The following CCT8 variants were observed in gnomAD, a reference collection of about 807,000 sequenced individuals.
The protein encoded by CCT8 is T-complex protein 1 subunit theta.
A neutral mutation model predicts 65.7 loss-of-function variants in CCT8; 10 were observed. That is an observed-to-expected ratio of 0.15 (90% confidence interval 0.09 to 0.26). The LOEUF (loss-of-function observed/expected upper bound fraction) is 0.26, where lower values mean the gene tolerates loss of function less well. Among genes scored for constraint, CCT8 ranks in the 10% least tolerant of loss-of-function variants. The pLI is 1.00. For synonymous variants in CCT8, 199 were observed against 221.8 expected (o/e 0.90, Z 0.92); for missense variants, 568 against 669.1 (o/e 0.85, Z 1.67).
chr21:29,073,591 G>T lies in CCT8; in HGVS notation c.-1C>A, dbSNP rs375686673. ...GAGCCTTGGGAACGTGAAGCGCCAT[G>T]GCCAGCCTGCAGGAAGCAGTTCACG... On this transcript the variant is annotated 5_prime_UTR_variant, in exon 1 of 15. Coordinates refer to ENST00000286788, the MANE Select transcript of CCT8 (RefSeq NM_006585.4). The T allele has an allele frequency of 5.6e-6, 9 of 1,614,068 alleles. No individual in the cohort carries two copies. Among genetic ancestry groups the T allele is most frequent in the Non-Finnish European group, 7.6e-6 (9 of 1,180,002 alleles).
chr21:29,064,937 T>C, intron 7 of CCT8, 31 bp downstream of exon 7: 1 of 1,603,320 alleles, frequency 6.2e-7, no homozygotes, highest in Non-Finnish European at 8.5e-7. Context: ...GCAACCCCAA[T>C]TATTACTTTT....
At chr21:29,068,615 AC>A (rs2085649725) in intron 3 of CCT8, among the ~76,000 whole-genome samples, 1 of 152,026 alleles carries the variant, frequency 6.6e-6, no homozygotes, top group African/African-American at 2.4e-5. Context: ...GTGTGCCACC[AC>A]GCCCGGCTGA....
At chr21:29,057,709 AATATATATCATACATATATGTATGAT>A (rs2085516272) in intron 14 of CCT8, among the ~76,000 whole-genome samples, 1 of 146,538 alleles carries the variant, frequency 6.8e-6, no homozygotes, top group Non-Finnish European at 1.5e-5. Context: ...TATCATATAT[AATATATATCATACATATATGTATGAT>A]ATATATATCA....
rs2085551114 is a variant in CCT8 at position 29,060,538 on chromosome 21, C to T, written c.1569+3G>A. 1.2e-6 allele frequency: 2 copies of T among 1,613,282 alleles called. No homozygotes were observed. Among genetic ancestry groups the T allele is most frequent in the Non-Finnish European group, 1.7e-6 (2 of 1,179,592 alleles). ...TTAAAGATCAAAATTTCACTTTGCT[C>T]ACCTGATCCACTCTAAGTACAGTGA... On this transcript the variant is annotated splice_donor_region_variant and intron_variant, in intron 14 of 14. Coordinates refer to ENST00000286788, the MANE Select transcript of CCT8 (RefSeq NM_006585.4).
At chr21:29,059,144 C>A (rs919636864) in intron 14 of CCT8, among the ~76,000 whole-genome samples, 1 of 152,212 alleles carries the variant, frequency 6.6e-6, no homozygotes, top group African/African-American at 2.4e-5. Flanking sequence ...ACTTTGAGAA[C>A]TAGTGAAATA....
chr21:29,056,897 T>G (rs903787993), intron 14 of CCT8, among the ~76,000 whole-genome samples: 1 of 152,176 alleles, frequency 6.6e-6, no homozygotes, highest in Non-Finnish European at 1.5e-5. Context: ...GATTTGCTAT[T>G]TATATATGAG....
intron 7 of CCT8, among the ~76,000 whole-genome samples, chr21:29,064,088 G>C (rs184178853): frequency 6.6e-6 from 1 of 152,244 alleles, no homozygotes; most frequent in Admixed American, 6.5e-5. Flanking sequence ...AATATGTCAG[G>C]TAGGTAGGTG....
At chr21:29,067,903 G>GT (rs1568914671) in intron 3 of CCT8, among the ~76,000 whole-genome samples, 198 bp from the exon 4 acceptor site, 2 of 152,212 alleles carry the variant, frequency 1.3e-5, no homozygotes, top group African/African-American at 4.8e-5. Context: ...CAGCACAAAT[G>GT]TATCACTATA....
At chr21:29,057,067 G>A (rs1477770207) in intron 14 of CCT8, among the ~76,000 whole-genome samples, 2 of 149,962 alleles carry the variant, frequency 1.3e-5, no homozygotes, top group Non-Finnish European at 3.0e-5. Context: ...AATCATTCAA[G>A]CAGCCAGGAA....
chr21:29,072,973 A>T (rs1283220600), intron 1 of CCT8, among the ~76,000 whole-genome samples: 1 of 152,236 alleles, frequency 6.6e-6, no homozygotes, highest in African/African-American at 2.4e-5. Context: ...AGCTAACATA[A>T]GTTGGGACCG....
intron 14 of CCT8, among the ~76,000 whole-genome samples, chr21:29,058,445 A>G (rs1201515198): frequency 6.6e-6 from 1 of 152,088 alleles, no homozygotes; most frequent in Non-Finnish European, 1.5e-5. Context: ...ATCTCAAAGA[A>G]AAAAAAGAAA....
intron 14 of CCT8, chr21:29,058,039 C>T (rs534558663): frequency 1.3e-5 from 2 of 151,996 alleles, no homozygotes; most frequent in East Asian, 1.9e-4. Flanking sequence ...AAAAAGATAC[C>T]TAAACCTGAA....
chr21:29,067,057 A>G lies in CCT8; in HGVS notation c.396T>C (p.Tyr132=), dbSNP rs759089567. 84 of 1,609,816 alleles carry G rather than the reference A, an allele frequency of 5.2e-5. No individual in the cohort carries two copies. The highest frequency in any genetic ancestry group is 3.6e-4 in the Admixed American group (21 of 59,132). Residue 132 remains tyrosine (Y), a synonymous_variant, in exon 5 of 15, where the codon TAT becomes TAC. Coordinates refer to ENST00000286788, the MANE Select transcript of CCT8 (RefSeq NM_006585.4). ...CATGAGCTTTTCTGCAGGCTATTTC[A>G]TAACCTTCTATGACCTAAAACATAA... ...GLSVSEVIEG[Y]EIACRKAHEI...
chr21:29,062,550 G>A lies in CCT8; in HGVS notation c.948C>T (p.Asn316=). 1.2e-6 allele frequency: 2 copies of A among 1,613,022 alleles called. No individual in the cohort carries two copies. Among genetic ancestry groups the A allele is most frequent in the East Asian group, 2.2e-5 (1 of 44,860 alleles). ...NKYNIMLVRL[N]SKWDLRRLCK... is the part of the protein sequence containing the mutation. ...AAAGTCTTCGGAGATCCCATTTTGAGTTTAGCCTTTAAAAAACACAAAGAC... is the reference window on the plus strand; with the variant it reads ...AAAGTCTTCGGAGATCCCATTTTGAATTTAGCCTTTAAAAAACACAAAGAC... Residue 316 remains asparagine (N), a synonymous_variant, in exon 9 of 15, where the codon AAC becomes AAT. Coordinates refer to ENST00000286788, the MANE Select transcript of CCT8 (RefSeq NM_006585.4).
intron 14 of CCT8, among the ~76,000 whole-genome samples, chr21:29,058,439 C>CA (rs2085528224): frequency 6.6e-6 from 1 of 151,372 alleles, no homozygotes; most frequent in Non-Finnish European, 1.5e-5. Flanking sequence ...GACTCCATCT[C>CA]AAAGAAAAAA....
At chr21:29,065,658 T>C (rs2085613505) in intron 6 of CCT8, among the ~76,000 whole-genome samples, 1 of 152,252 alleles carries the variant, frequency 6.6e-6, no homozygotes, top group Non-Finnish European at 1.5e-5. Context: ...ATCAAAAATA[T>C]ACTTTAATAT....
chr21:29,057,219 G>GA (rs1441886072), intron 14 of CCT8, among the ~76,000 whole-genome samples: 2 of 149,016 alleles, frequency 1.3e-5, no homozygotes, highest in African/African-American at 2.5e-5. Context: ...GCCCAGGCTA[G>GA]AGAGTGCAGT....
In CCT8 at chr21:29,073,622, G is replaced by A. The variant is rs374539738; in HGVS notation, c.-32C>T. ...CCTGCAGGAAGCAGTTCACGCGACC[G>A]CTCGGAAGACCGCGGAGGAAGCGAG... is the stretch of plus-strand genomic sequence containing the variant. On this transcript the variant is annotated 5_prime_UTR_variant, in exon 1 of 15. Transcript: ENST00000286788. The A allele has an allele frequency of 3.1e-6, 5 of 1,607,026 alleles. No individual in the cohort carries two copies. Among genetic ancestry groups the A allele is most frequent in the Non-Finnish European group, 3.4e-6 (4 of 1,174,118 alleles).
At position 29,073,420 on chromosome 21, in the gene CCT8, C is replaced by T. The variant is rs1187725578; in HGVS notation, c.60+111G>A. The T allele has an allele frequency of 7.7e-6, 12 of 1,559,036 alleles. No individual in the cohort carries two copies. In the African/African-American group the frequency reaches 1.6e-4, roughly 21 times the overall value. ...TTTCTGGAATCTTCTCTTCCCCCGGCCGCTGAGCCAGGGCAGCACGCTCAG... is the reference window on the plus strand; with the variant it reads ...TTTCTGGAATCTTCTCTTCCCCCGGTCGCTGAGCCAGGGCAGCACGCTCAG... On this transcript the variant is annotated intron_variant, in intron 1 of 14. Transcript: ENST00000286788.
Sources: allele counts gnomAD v4.1 joint callset (sites outside exome capture counted in the v4.1 genomes callset), GRCh38; gene constraint gnomAD v4.1.1; transcripts MANE v1.5; gene names NCBI Gene and HGNC (gene_info 2026-07-23, HGNC 2026-07-21).